The following UBE2V2 variants were observed in gnomAD, a reference collection of about 807,000 sequenced individuals.
UBE2V2 encodes the protein ubiquitin conjugating enzyme E2 V2.
Under a neutral mutation model 17.2 loss-of-function variants are expected in UBE2V2, and 9 were observed. The observed-to-expected ratio is 0.52, with a 90% CI of 0.32 to 0.91. The LOEUF (loss-of-function observed/expected upper bound fraction) is 0.91. UBE2V2 is among the 40% of genes least tolerant of loss of function. UBE2V2 has a pLI of 0.04. For missense variants in UBE2V2, 133 were observed against 182.6 expected, an observed-to-expected ratio of 0.73 and a Z score of 1.56; for synonymous variants, 61 against 57.5, an observed-to-expected ratio of 1.06 and a Z score of -0.28.
rs773917035 is a variant in UBE2V2 at position 48,043,100 on chromosome 8, C to T, written c.84C>T (p.Asp28=). The change falls in exon 2 of 4, where the codon GAC becomes GAT. Residue 28 remains aspartate (D), a synonymous_variant. Transcript: ENST00000523111. ...ELEEGQKGVG[D]GTVSWGLEDD... ...AAGAAGGACAAAAAGGAGTAGGCGA[C>T]GGTACAGTTAGCTGGGGCCTTGAAG... 25 of 1,598,304 alleles carry T rather than the reference C, an allele frequency of 1.6e-5. No individual in the cohort carries two copies. The highest frequency in any genetic ancestry group is 2.7e-5 in the African/African-American group (2 of 74,616).
At chr8:48,043,919 C>T (rs769477398) in intron 2 of UBE2V2, among the ~76,000 whole-genome samples, 7 of 149,598 alleles carry the variant, frequency 4.7e-5, no homozygotes, top group Non-Finnish European at 1.0e-4. Flanking sequence ...TTTTTTCTAG[C>T]TTGGGATTTT....
chr8:48,028,338 C>CT (rs775995878), intron 1 of UBE2V2, among the ~76,000 whole-genome samples: 1,400 of 127,290 alleles, frequency 0.011, 25 homozygotes, highest in African/African-American at 0.03. Flanking sequence ...CGGCTGTTTT[C>CT]TTTTTTTTTT....
chr8:48,050,079 TAGG>T (rs1227699276), intron 3 of UBE2V2, 101 bp downstream of exon 3: 1 of 892,532 alleles, frequency 1.1e-6, no homozygotes, highest in African/African-American at 1.8e-5. Context: ...AATATGTAGT[TAGG>T]AGAAAGTTTT....
chr8:48,049,775 C>CTT (rs200788314), intron 2 of UBE2V2, 78 bp from the exon 3 acceptor site: 500 of 1,090,370 alleles, frequency 4.6e-4, no homozygotes, highest in East Asian at 8.9e-4. Flanking sequence ...TGTACTTTCC[C>CTT]TTTTTTTTTT....
At chr8:48,029,467 A>C (rs548196040) in intron 1 of UBE2V2, among the ~76,000 whole-genome samples, 16 of 152,336 alleles carry the variant, frequency 1.1e-4, no homozygotes, top group African/African-American at 3.6e-4. Context: ...TGTATGACAG[A>C]AGGGCAGGAG....
At chr8:48,035,657 G>T (rs1441946548) in intron 1 of UBE2V2, among the ~76,000 whole-genome samples, 1 of 130,856 alleles carries the variant, frequency 7.6e-6, no homozygotes, top group Non-Finnish European at 1.6e-5. Context: ...GTGTGTGTGT[G>T]TGTATATGTA....
intron 1 of UBE2V2, among the ~76,000 whole-genome samples, chr8:48,010,182 T>C (rs2091217741): frequency 6.6e-6 from 1 of 152,026 alleles, no homozygotes; most frequent in Non-Finnish European, 1.5e-5. Context: ...GGAAGTTGAA[T>C]ATAAATTATA....
intron 1 of UBE2V2, among the ~76,000 whole-genome samples, chr8:48,023,808 A>ATG (rs1204046228): frequency 1.3e-4 from 20 of 152,116 alleles, no homozygotes; most frequent in African/African-American, 4.6e-4. Context: ...CCCAGGAGGC[A>ATG]GAGGTTGCAT....
chr8:48,021,981 A>T (rs947552099), intron 1 of UBE2V2, among the ~76,000 whole-genome samples: 1 of 150,690 alleles, frequency 6.6e-6, no homozygotes, highest in Non-Finnish European at 1.5e-5. Flanking sequence ...CGCCTGGCAT[A>T]TAGGTTTTTG....
At chr8:48,017,460 G>A (rs150899095) in intron 1 of UBE2V2, among the ~76,000 whole-genome samples, 1 of 150,272 alleles carries the variant, frequency 6.7e-6, no homozygotes, top group Admixed American at 6.7e-5. Context: ...TGCAAGCTCT[G>A]CCTCCTGGGT....
At chr8:48,011,202 T>C (rs956196572) in intron 1 of UBE2V2, among the ~76,000 whole-genome samples, 1 of 152,170 alleles carries the variant, frequency 6.6e-6, no homozygotes, top group Non-Finnish European at 1.5e-5. Context: ...GAGTCTCGCC[T>C]TGTTGCTCAG....
At chr8:48,000,766 G>A in the UBE2V2 span, among the ~76,000 whole-genome samples, 1 of 142,538 alleles carries the variant, frequency 7.0e-6, no homozygotes, top group Non-Finnish European at 1.5e-5. Context: ...AGCCTGCAGT[G>A]AGTGGAGATC....
intron 1 of UBE2V2, among the ~76,000 whole-genome samples, chr8:48,012,916 G>T (rs1288760207): frequency 6.6e-6 from 1 of 151,610 alleles, no homozygotes; most frequent in Admixed American, 6.6e-5. Flanking sequence ...CGTGATCTGG[G>T]CTCACTGCAA....
chr8:48,035,362 A>G (rs1260858991), intron 1 of UBE2V2, among the ~76,000 whole-genome samples: 1 of 151,598 alleles, frequency 6.6e-6, no homozygotes. Context: ...CTCAGGTGAT[A>G]TACCCACCTT....
the UBE2V2 span, among the ~76,000 whole-genome samples, chr8:48,003,091 T>TC: frequency 6.6e-6 from 1 of 151,806 alleles, no homozygotes; most frequent in Admixed American, 6.6e-5. Context: ...ATGCCTGTAG[T>TC]CCCAGCTACT....
intron 1 of UBE2V2, among the ~76,000 whole-genome samples, chr8:48,013,519 C>T (rs575209747): frequency 6.6e-5 from 10 of 152,060 alleles, no homozygotes; most frequent in African/African-American, 1.7e-4. Flanking sequence ...CCGTGTTAGC[C>T]GGGATGGTCT....
At chr8:48,034,568 A>AC (rs869058616) in intron 1 of UBE2V2, among the ~76,000 whole-genome samples, 5 of 127,850 alleles carry the variant, frequency 3.9e-5, no homozygotes, top group Non-Finnish European at 6.5e-5. Context: ...GGTCTCCCCC[A>AC]CCCCCCCTTT....
At chr8:48,011,503 C>T (rs1203848986) in intron 1 of UBE2V2, among the ~76,000 whole-genome samples, 2 of 152,110 alleles carry the variant, frequency 1.3e-5, no homozygotes. Context: ...TTATTTAAGC[C>T]AAAGTATCTC....
chr8:48,059,658 G>A (rs1443029045), intron 3 of UBE2V2, among the ~76,000 whole-genome samples: 5 of 152,226 alleles, frequency 3.3e-5, no homozygotes, highest in South Asian at 4.1e-4. Flanking sequence ...TGATCCGCCC[G>A]CCTTGGCCTC....
Sources: allele counts gnomAD v4.1 joint callset (sites outside exome capture counted in the v4.1 genomes callset), GRCh38; gene constraint gnomAD v4.1.1; transcripts MANE v1.5; gene names NCBI Gene and HGNC (gene_info 2026-07-23, HGNC 2026-07-21).